Variants in COX7B2 observed in about 807,000 individuals in gnomAD.
The protein encoded by COX7B2 is cytochrome c oxidase subunit 7B2, mitochondrial.
For synonymous variants in COX7B2, 37 were observed against 32.1 expected (o/e 1.15, Z -0.51); for missense variants, 109 against 95.9 (o/e 1.14, Z -0.57).
chr4:46,850,624 T>A (rs1185762612), intron 1 of COX7B2, among the ~76,000 whole-genome samples: 1 of 152,138 alleles, frequency 6.6e-6, no homozygotes, highest in Non-Finnish European at 1.5e-5. Flanking sequence ...GAACACATTG[T>A]TAGCCTGTAA....
chr4:46,907,916 C>T (rs1720503643), intron 1 of COX7B2, among the ~76,000 whole-genome samples: 2 of 128,410 alleles, frequency 1.6e-5, no homozygotes, highest in African/African-American at 6.0e-5. Flanking sequence ...TGAAATGAGA[C>T]GATCTCAGCT....
chr4:46,757,067 A>G (rs1490191779), intron 2 of COX7B2, among the ~76,000 whole-genome samples: 1 of 152,136 alleles, frequency 6.6e-6, no homozygotes, highest in Admixed American at 6.6e-5. Flanking sequence ...GGACTGGATT[A>G]AAAAGTGCTA....
chr4:46,752,469 G>T (rs912636558), intron 2 of COX7B2, among the ~76,000 whole-genome samples: 24 of 152,232 alleles, frequency 1.6e-4, no homozygotes, highest in African/African-American at 5.8e-4. Flanking sequence ...AATACGAGTG[G>T]TGAGAGAGGG....
chr4:46,791,290 T>A (rs1469908121), intron 2 of COX7B2, among the ~76,000 whole-genome samples: 1 of 152,130 alleles, frequency 6.6e-6, no homozygotes, highest in African/African-American at 2.4e-5. Context: ...ATTACAGGCG[T>A]GAGCCACCGT....
chr4:46,881,011 A>AAAAAAAAAAAAAAAAAAAT (rs1197072002), intron 1 of COX7B2, among the ~76,000 whole-genome samples: 1 of 148,854 alleles, frequency 6.7e-6, no homozygotes, highest in African/African-American at 2.5e-5. Flanking sequence ...AAAAAAAAAA[A>AAAAAAAAAAAAAAAAAAAT]CTCTTGGATT....
intron 1 of COX7B2, among the ~76,000 whole-genome samples, chr4:46,881,891 C>G (rs567672252): frequency 5.9e-5 from 9 of 152,224 alleles, no homozygotes; most frequent in African/African-American, 1.7e-4. Flanking sequence ...TGATGTTACA[C>G]TGTTAACCTG....
chr4:46,871,323 C>G (rs1470721775), intron 1 of COX7B2, among the ~76,000 whole-genome samples: 1 of 152,094 alleles, frequency 6.6e-6, no homozygotes, highest in Non-Finnish European at 1.5e-5. Context: ...CTTTCTTACA[C>G]CATATACAAA....
At chr4:46,783,721 A>G (rs1717602143) in intron 2 of COX7B2, among the ~76,000 whole-genome samples, 1 of 152,190 alleles carries the variant, frequency 6.6e-6, no homozygotes, top group African/African-American at 2.4e-5. Context: ...ACAAAAGTCA[A>G]ACTAGCTTAA....
At chr4:46,877,298 C>A (rs1718404270) in intron 1 of COX7B2, among the ~76,000 whole-genome samples, 1 of 152,318 alleles carries the variant, frequency 6.6e-6, no homozygotes, top group African/African-American at 2.4e-5. Context: ...AATTCAAGGA[C>A]ATCTGCGTCC....
intron 2 of COX7B2, among the ~76,000 whole-genome samples, chr4:46,754,731 T>TATATAC (rs1553880242): frequency 2.0e-4 from 24 of 122,588 alleles, no homozygotes; most frequent in Middle Eastern, 3.8e-3. Context: ...TGTGTGTGTA[T>TATATAC]ATATATATAT....
At chr4:46,767,835 T>A (rs1301119065) in intron 2 of COX7B2, among the ~76,000 whole-genome samples, 2 of 152,238 alleles carry the variant, frequency 1.3e-5, no homozygotes, top group Non-Finnish European at 2.9e-5. Flanking sequence ...ATAAAATCAG[T>A]TCTAAACTAA....
rs201929545 is a variant in COX7B2 at position 46,888,361 on chromosome 4, A to AT, written c.-105+20798dup. On this transcript the variant is annotated intron_variant, in intron 1 of 2. Transcript: ENST00000355591. ...ATTTAAGAATTTAATTTTTTTAAAT[A>AT]TTAGATTTGTTTTATAATCACAAAA... 5.1e-3 allele frequency among the ~76,000 whole-genome samples: 779 copies of AT among 152,274 alleles called. 4 individuals are homozygous for AT. Among genetic ancestry groups the AT allele is most frequent in the African/African-American group, 0.018 (742 of 41,550 alleles).
chr4:46,906,451 A>C (rs1720398325), intron 1 of COX7B2, among the ~76,000 whole-genome samples: 1 of 152,002 alleles, frequency 6.6e-6, no homozygotes, highest in Non-Finnish European at 1.5e-5. Context: ...ATTTTCTTCT[A>C]TCCTTCTATC....
Position 46,871,990 on chromosome 4 carries a change from T to G in COX7B2, c.-104-26976A>C, listed in dbSNP as rs191798349. On this transcript the variant is annotated intron_variant, in intron 1 of 2. Coordinates refer to ENST00000355591, the MANE Select transcript of COX7B2 (RefSeq NM_130902.3). Reference sequence around the variant, plus strand: ...TATTGGGTATATACCTAGAGGACTATAAAACAGTCTACCATAAAGACACAT... The same window carrying G: ...TATTGGGTATATACCTAGAGGACTAGAAAACAGTCTACCATAAAGACACAT... Among the ~76,000 whole-genome samples the G allele has an allele frequency of 4.6e-5, 7 of 152,276 alleles. No individual in the cohort carries two copies. The East Asian group carries it at 1.2e-3, about 25-fold the overall frequency.
intron 2 of COX7B2, among the ~76,000 whole-genome samples, chr4:46,737,152 G>T (rs1714417963): frequency 6.6e-6 from 1 of 152,106 alleles, no homozygotes; most frequent in African/African-American, 2.4e-5. Context: ...ATTCTAATCG[G>T]TAAATAGGTG....
At chr4:46,758,569 A>G (rs756301930) in intron 2 of COX7B2, among the ~76,000 whole-genome samples, 140 of 152,206 alleles carry the variant, frequency 9.2e-4, no homozygotes, top group Non-Finnish European at 1.2e-3. Flanking sequence ...CAGCAAGAAA[A>G]TAACTTATAA....
Position 46,839,723 on chromosome 4 carries a change from G to A in COX7B2, c.-50+5237C>T, listed in dbSNP as rs868784333. On this transcript the variant is annotated intron_variant, in intron 2 of 2. Transcript: ENST00000355591. ...TGCCTATCATATTATATATTCTATA[G>A]TACACTGTATTGCTTATTGCAATTA... is the stretch of plus-strand genomic sequence containing the variant. Among the ~76,000 whole-genome samples, 5 of 151,902 alleles carry A rather than the reference G, an allele frequency of 3.3e-5. 2 individuals are homozygous for A. In the South Asian group the frequency reaches 1.0e-3, roughly 31 times the overall value.
chr4:46,845,155 G>A (rs984113905), intron 1 of COX7B2, 141 bp from the exon 2 acceptor site: 16 of 152,106 alleles, frequency 1.1e-4, no homozygotes, highest in Admixed American at 4.6e-4. Flanking sequence ...AATGATATCT[G>A]ATTAAAATAA....
At chr4:46,856,729 G>A (rs2109790949) in intron 1 of COX7B2, among the ~76,000 whole-genome samples, 1 of 152,256 alleles carries the variant, frequency 6.6e-6, no homozygotes, top group East Asian at 1.9e-4. Flanking sequence ...AGGCAAAGAG[G>A]TATTTTTGGT....
Sources: allele counts gnomAD v4.1 joint callset (sites outside exome capture counted in the v4.1 genomes callset), GRCh38; gene constraint gnomAD v4.1.1; transcripts MANE v1.5; gene names NCBI Gene and HGNC (gene_info 2026-07-23, HGNC 2026-07-21).